LMCD1: variants seen among roughly 807,000 people sequenced by gnomAD.
LMCD1 encodes LIM and cysteine-rich domains protein 1.
A neutral mutation model predicts 42.7 loss-of-function variants in LMCD1; 32 were observed. The ratio of observed to expected loss-of-function variants is 0.75; its 90% CI spans 0.57 to 1.01. The LOEUF (loss-of-function observed/expected upper bound fraction) is 1.01, where lower values mean the gene tolerates loss of function less well. Among genes scored for constraint, LMCD1 ranks in the 50% least tolerant of loss-of-function variants. The probability of loss-of-function intolerance (pLI) is 0.00; values close to 1 mark genes in which losing one functional copy is unlikely to be tolerated. For synonymous variants in LMCD1, 178 were observed against 184.9 expected (o/e 0.96, Z 0.30); for missense variants, 458 against 483.1 (o/e 0.95, Z 0.49).
intron 3 of LMCD1, among the ~76,000 whole-genome samples, chr3:8,548,158 G>A (rs1389993762): frequency 6.6e-6 from 1 of 152,298 alleles, no homozygotes; most frequent in East Asian, 1.9e-4. Context: ...ATGCCGTCAT[G>A]TAGCACACGA....
At position 8,571,749 on chromosome 3, in the gene LMCD1, T is replaced by C. The variant is rs987625766; in HGVS notation, c.*4151T>C. 2 of 152,262 alleles carry C rather than the reference T, an allele frequency of 1.3e-5. No homozygotes were observed. Among genetic ancestry groups the C allele is most frequent in the African/African-American group, 4.8e-5 (2 of 41,470 alleles). The allele number at this position is 152,262 out of a possible 1,614,324, so 9.4% of individuals were successfully genotyped here. A position where few individuals can be genotyped will look rare whatever the true frequency, so the allele number is the denominator to read the frequency against. On this transcript the variant is annotated 3_prime_UTR_variant, in exon 6 of 6. Transcript: ENST00000157600. ...AGTGTTTTTCCTTAATGAAAGGAGA[T>C]ACTGTGCAGTAAATAGCCCTGCTGT...
chr3:8,546,442 C>G (rs1438137536), intron 3 of LMCD1, among the ~76,000 whole-genome samples: 1 of 152,150 alleles, frequency 6.6e-6, no homozygotes, highest in African/African-American at 2.4e-5. Flanking sequence ...CTATAGCCAC[C>G]CTAGGGTTTA....
rs78322998 is a variant in LMCD1, at chr3:8,555,712, C to A, written c.723+6809C>A. 7.1e-3 allele frequency among the ~76,000 whole-genome samples: 979 copies of A among 137,090 alleles called. 16 individuals carry two copies. The highest frequency in any genetic ancestry group is 0.027 in the African/African-American group (947 of 34,856). 89.9% of individuals were successfully genotyped at this position (137,090 alleles called of 152,430 possible). ...TTCCATGTTGCCACATGGCCTTCAA[C>A]GAGCTTTTTTTTTTTTTTTTTTTTT... On this transcript the variant is annotated intron_variant, in intron 4 of 5. Transcript: ENST00000157600.
At chr3:8,539,916 T>A (rs1694589084) in intron 3 of LMCD1, among the ~76,000 whole-genome samples, 3 of 151,808 alleles carry the variant, frequency 2.0e-5, no homozygotes, top group Admixed American at 6.6e-5. Flanking sequence ...GTTGGCGTGC[T>A]GCACCCATTA....
chr3:8,514,255 G>C (rs1694058155), intron 1 of LMCD1, among the ~76,000 whole-genome samples: 1 of 152,152 alleles, frequency 6.6e-6, no homozygotes, highest in Non-Finnish European at 1.5e-5. Flanking sequence ...ATAGCTGAAA[G>C]TATAAGAAAA....
chr3:8,514,551 T>A (rs1031148975), intron 1 of LMCD1, among the ~76,000 whole-genome samples: 1 of 152,138 alleles, frequency 6.6e-6, no homozygotes, highest in African/African-American at 2.4e-5. Context: ...CACAAAAAAA[T>A]TTTGGGCAAA....
chr3:8,566,753 C>A (rs1166491513), intron 5 of LMCD1, among the ~76,000 whole-genome samples: 2 of 152,212 alleles, frequency 1.3e-5, no homozygotes, highest in Non-Finnish European at 2.9e-5. Context: ...ATAGCCCTGA[C>A]TTTGTGTCAG....
chr3:8,525,263 A>T (rs2125018455), intron 1 of LMCD1, among the ~76,000 whole-genome samples: 1 of 152,252 alleles, frequency 6.6e-6, no homozygotes, highest in Admixed American at 6.5e-5. Flanking sequence ...ACTATTTTAG[A>T]TTCCACATAT....
chr3:8,535,049 G>C (rs1047125746), intron 2 of LMCD1, among the ~76,000 whole-genome samples: 1 of 152,176 alleles, frequency 6.6e-6, no homozygotes, highest in African/African-American at 2.4e-5. Flanking sequence ...TTCCATTTAT[G>C]GAAAGTATTG....
intron 3 of LMCD1, among the ~76,000 whole-genome samples, chr3:8,547,848 C>T (rs1048772050): frequency 6.6e-6 from 1 of 151,840 alleles, no homozygotes; most frequent in African/African-American, 2.4e-5. Flanking sequence ...ATCACACCAC[C>T]GCACTCCAGC....
intron 1 of LMCD1, among the ~76,000 whole-genome samples, chr3:8,512,181 T>C (rs1243328473): frequency 1.3e-5 from 2 of 152,202 alleles, no homozygotes; most frequent in Admixed American, 6.5e-5. Flanking sequence ...TAAGACTTTT[T>C]GATGTTAGGA....
intron 4 of LMCD1, among the ~76,000 whole-genome samples, chr3:8,560,749 G>T (rs1185918421): frequency 6.6e-6 from 1 of 152,162 alleles, no homozygotes; most frequent in African/African-American, 2.4e-5. Context: ...CCCCTGATGG[G>T]CTCCAAGCCA....
chr3:8,545,884 C>A (rs1694725062), intron 3 of LMCD1, among the ~76,000 whole-genome samples: 1 of 152,124 alleles, frequency 6.6e-6, no homozygotes, highest in Admixed American at 6.5e-5. Context: ...ACCTGTAATC[C>A]CAGCATTTTG....
At chr3:8,519,497 G>C (rs902385969) in intron 1 of LMCD1, among the ~76,000 whole-genome samples, 7 of 152,162 alleles carry the variant, frequency 4.6e-5, no homozygotes, top group African/African-American at 1.7e-4. Context: ...CCTTGAAAGT[G>C]AATTATTTGC....
chr3:8,539,420 G>T (rs1694575331), intron 3 of LMCD1, among the ~76,000 whole-genome samples: 1 of 152,154 alleles, frequency 6.6e-6, no homozygotes, highest in South Asian at 2.1e-4. Flanking sequence ...CTAGACAGGG[G>T]CTTGTCCCGG....
chr3:8,529,250 A>G (rs1694359440), intron 1 of LMCD1, among the ~76,000 whole-genome samples: 1 of 152,216 alleles, frequency 6.6e-6, no homozygotes, highest in South Asian at 2.1e-4. Context: ...AATGGCATGC[A>G]GTGGACAAAT....
chr3:8,565,751 A>G lies in LMCD1; in HGVS notation c.939+104A>G, dbSNP rs549223756. ...TGGCTTTGTGGATGATGTGTTCTAC[A>G]GATTGGGAAACTGAAGTCAGGCCTC... On this transcript the variant is annotated intron_variant, in intron 5 of 5. Coordinates refer to ENST00000157600, the MANE Select transcript of LMCD1 (RefSeq NM_014583.4). 30 of 1,130,316 alleles carry G rather than the reference A, an allele frequency of 2.7e-5. 2 individuals are homozygous for G. The South Asian group carries it at 4.3e-4, about 16-fold the overall frequency. 70.0% of individuals were successfully genotyped at this position (1,130,316 alleles called of 1,614,324 possible).
chr3:8,515,904 G>T (rs554597751), intron 1 of LMCD1, among the ~76,000 whole-genome samples: 3 of 152,240 alleles, frequency 2.0e-5, no homozygotes, highest in Admixed American at 2.0e-4. Context: ...GGCAAAGTAG[G>T]AGTGGGTGGG....
intron 1 of LMCD1, among the ~76,000 whole-genome samples, chr3:8,505,889 C>A (rs1439407329): frequency 6.6e-6 from 1 of 152,228 alleles, no homozygotes; most frequent in Non-Finnish European, 1.5e-5. Context: ...AAACACAGCT[C>A]CTCGTGAATT....
Sources: gnomAD v4.1 joint callset for allele counts (sites outside exome capture counted in the v4.1 genomes callset) on GRCh38, gnomAD v4.1.1 for gene constraint, MANE v1.5 for transcripts, NCBI Gene and HGNC (gene_info 2026-07-23, HGNC 2026-07-21) for gene names.